ZMAT4: variants seen among roughly 807,000 people sequenced by gnomAD.
The protein encoded by ZMAT4 is zinc finger matrin-type 4.
In ZMAT4, 17 loss-of-function variants were observed where a neutral mutation model predicts 28.7. The ratio of observed to expected loss-of-function variants is 0.59; its 90% confidence interval spans 0.41 to 0.89. The LOEUF is 0.89. Among genes scored for constraint, ZMAT4 ranks in the 40% least tolerant of loss-of-function variants. The pLI, the probability that ZMAT4 is intolerant of heterozygous loss-of-function variation, is 0.00. For synonymous variants in ZMAT4, 117 were observed against 109.2 expected (o/e 1.07, Z -0.44); for missense variants, 240 against 283.8 (o/e 0.85, Z 1.11).
chr8:40,829,060 A>G (rs1346450656), intron 1 of ZMAT4, among the ~76,000 whole-genome samples: 1 of 152,100 alleles, frequency 6.6e-6, no homozygotes, highest in Non-Finnish European at 1.5e-5. Context: ...CTGATCACTT[A>G]CTGGTCAGTC....
At chr8:40,600,532 T>C (rs1416066104) in intron 5 of ZMAT4, among the ~76,000 whole-genome samples, 1 of 152,220 alleles carries the variant, frequency 6.6e-6, no homozygotes, top group African/African-American at 2.4e-5. Flanking sequence ...GCCTCGCCTT[T>C]GACAGTCTCT....
intron 5 of ZMAT4, among the ~76,000 whole-genome samples, chr8:40,616,022 A>G (rs2118674263): frequency 6.6e-6 from 1 of 152,322 alleles, no homozygotes; most frequent in Middle Eastern, 3.4e-3. Context: ...TCTACAATGA[A>G]CTCAAACAAA....
intron 3 of ZMAT4, among the ~76,000 whole-genome samples, chr8:40,757,980 C>G (rs1268173392): frequency 6.6e-6 from 1 of 152,140 alleles, no homozygotes; most frequent in Non-Finnish European, 1.5e-5. Flanking sequence ...ATCCTTCCTG[C>G]CCTAGAACAT....
At chr8:40,737,457 A>T (rs535884553) in intron 3 of ZMAT4, among the ~76,000 whole-genome samples, 27 of 152,180 alleles carry the variant, frequency 1.8e-4, no homozygotes, top group Non-Finnish European at 3.8e-4. Context: ...GAAAAGGAGG[A>T]GGAAGAAAAG....
intron 6 of ZMAT4, among the ~76,000 whole-genome samples, chr8:40,535,290 C>G (rs1193625573): frequency 6.6e-6 from 1 of 152,166 alleles, no homozygotes; most frequent in African/African-American, 2.4e-5. Context: ...TCCCCTTATT[C>G]TCATCCTGAA....
At chr8:40,820,063 A>T (rs1246747585) in intron 2 of ZMAT4, among the ~76,000 whole-genome samples, 1 of 152,030 alleles carries the variant, frequency 6.6e-6, no homozygotes, top group Non-Finnish European at 1.5e-5. Flanking sequence ...TGAGGAAAAA[A>T]ATTGGTTCCA....
intron 5 of ZMAT4, among the ~76,000 whole-genome samples, chr8:40,644,726 G>C (rs1229275150): frequency 6.6e-6 from 1 of 152,126 alleles, no homozygotes; most frequent in East Asian, 1.9e-4. Flanking sequence ...AGTACAGGAT[G>C]ACTAAGAGTG....
chr8:40,735,270 G>T (rs1289152541), intron 3 of ZMAT4, among the ~76,000 whole-genome samples: 1 of 152,142 alleles, frequency 6.6e-6, no homozygotes, highest in Non-Finnish European at 1.5e-5. Context: ...CATATATTTG[G>T]AGTTTAATAA....
rs375382251 is a variant in ZMAT4, at chr8:40,825,578, G to A, written c.99C>T (p.Tyr33=). The A allele has an allele frequency of 3.5e-5, 55 of 1,552,010 alleles. No homozygotes were observed. The Middle Eastern group carries it at 6.7e-4, about 19-fold the overall frequency. ...GAGTGGGAAACGCTGTCCTTACCTCGTAGTGGGCCACACGCTGCGATTCGG... is the reference window on the plus strand; with the variant it reads ...GAGTGGGAAACGCTGTCCTTACCTCATAGTGGGCCACACGCTGCGATTCGG... ...LISESQRVAH[Y]ESRKHASKVR... is the part of the protein sequence containing the mutation. Residue 33 remains tyrosine (Y), a synonymous_variant, in exon 2 of 7, where the codon TAC becomes TAT. Coordinates refer to ENST00000297737, the MANE Select transcript of ZMAT4 (RefSeq NM_024645.3).
intron 2 of ZMAT4, among the ~76,000 whole-genome samples, chr8:40,780,856 A>G (rs1813797220): frequency 2.0e-5 from 3 of 152,218 alleles, no homozygotes; most frequent in Admixed American, 2.0e-4. Context: ...CATGACAAAA[A>G]CACTCAACAA....
At chr8:40,833,558 A>G (rs1816367862) in intron 1 of ZMAT4, among the ~76,000 whole-genome samples, 1 of 148,038 alleles carries the variant, frequency 6.8e-6, no homozygotes. Flanking sequence ...AAAAAAAAAA[A>G]GACATGAAAT....
chr8:40,573,621 A>C (rs538094625), intron 6 of ZMAT4, among the ~76,000 whole-genome samples: 1 of 152,258 alleles, frequency 6.6e-6, no homozygotes, highest in Admixed American at 6.5e-5. Flanking sequence ...GGGGATCCTG[A>C]ATTTTGGAAA....
chr8:40,647,348 G>A (rs866662228), intron 5 of ZMAT4, among the ~76,000 whole-genome samples: 23 of 151,594 alleles, frequency 1.5e-4, no homozygotes, highest in Middle Eastern at 3.4e-3. Context: ...ACTCCCACCC[G>A]AATACTGCGC....
intron 2 of ZMAT4, among the ~76,000 whole-genome samples, chr8:40,820,411 A>AGT (rs957633156): frequency 1.5e-5 from 2 of 137,704 alleles, no homozygotes; most frequent in South Asian, 4.7e-4. Context: ...TGTGTGTGAA[A>AGT]GTGTGTGTAT....
At chr8:40,804,733 T>C (rs1190678727) in intron 2 of ZMAT4, among the ~76,000 whole-genome samples, 2 of 151,732 alleles carry the variant, frequency 1.3e-5, no homozygotes, top group Non-Finnish European at 2.9e-5. Context: ...CCCAGCTACT[T>C]GGGAGGCTGA....
intron 4 of ZMAT4, among the ~76,000 whole-genome samples, chr8:40,694,718 C>T (rs1046180958): frequency 6.6e-6 from 1 of 152,134 alleles, no homozygotes; most frequent in African/African-American, 2.4e-5. Context: ...ATTCTCCTAC[C>T]CTCCTGTCTC....
chr8:40,775,103 C>T lies in ZMAT4; in HGVS notation c.103-7373G>A, dbSNP rs141730933. On this transcript the variant is annotated intron_variant, in intron 2 of 6. Coordinates refer to ENST00000297737, the MANE Select transcript of ZMAT4 (RefSeq NM_024645.3). ...TGTATCCCCAAAATCTATCACAATGCCTGACACATGGCCGGTGCTCAATAA... is the reference window on the plus strand; with the variant it reads ...TGTATCCCCAAAATCTATCACAATGTCTGACACATGGCCGGTGCTCAATAA... Among the ~76,000 whole-genome samples, 120 of 152,292 alleles carry T rather than the reference C, an allele frequency of 7.9e-4. 1 individual carries two copies. Among genetic ancestry groups the T allele is most frequent in the African/African-American group, 2.7e-3 (113 of 41,548 alleles).
chr8:40,706,885 G>A (rs1004961034), intron 3 of ZMAT4, among the ~76,000 whole-genome samples: 11 of 152,108 alleles, frequency 7.2e-5, no homozygotes, highest in Non-Finnish European at 1.3e-4. Context: ...TTTCGAATCA[G>A]GTGGGGAGCA....
chr8:40,610,603 A>G (rs1023201576), intron 5 of ZMAT4, among the ~76,000 whole-genome samples: 7 of 152,180 alleles, frequency 4.6e-5, no homozygotes, highest in African/African-American at 1.7e-4. Context: ...GAAAGCAGGA[A>G]CAATTTCTTT....
Sources: gnomAD v4.1 joint callset for allele counts (sites outside exome capture counted in the v4.1 genomes callset) on GRCh38, gnomAD v4.1.1 for gene constraint, MANE v1.5 for transcripts, NCBI Gene and HGNC (gene_info 2026-07-23, HGNC 2026-07-21) for gene names.